The following GARIN2 variants were observed in gnomAD, a reference collection of about 807,000 sequenced individuals.
The protein encoded by GARIN2 is golgi associated RAB2 interactor family member 2.
chr14:67,200,151 C>A, the GARIN2 span: 1 of 1,151,562 alleles, frequency 8.7e-7, no homozygotes, highest in Non-Finnish European at 1.2e-6. Context: ...CCATGGGTCA[C>A]CCAGGTCCTA....
the GARIN2 span, chr14:67,223,784 T>C: frequency 3.0e-6 from 3 of 985,472 alleles, no homozygotes; most frequent in African/African-American, 5.2e-5. Context: ...TTCCCCTGAT[T>C]AGCATTTCTT....
At chr14:67,195,395 T>C in the GARIN2 span, among the ~76,000 whole-genome samples, 1 of 152,284 alleles carries the variant, frequency 6.6e-6, no homozygotes, top group East Asian at 1.9e-4. Flanking sequence ...AGGAGAATTC[T>C]CAGATGCAAG....
At chr14:67,221,898 A>G in the GARIN2 span, 1 of 1,506,690 alleles carries the variant, frequency 6.6e-7, no homozygotes, top group East Asian at 2.3e-5. Flanking sequence ...GGCTAAGAGC[A>G]AAGGAATTCA....
chr14:67,208,180 C>A, the GARIN2 span: 2 of 1,612,054 alleles, frequency 1.2e-6, no homozygotes. Flanking sequence ...ACCTGATTTG[C>A]TGCTGCTTTT....
the GARIN2 span, chr14:67,225,256 C>T: frequency 6.6e-7 from 1 of 1,509,912 alleles, no homozygotes; most frequent in Non-Finnish European, 8.8e-7. Context: ...ACATGTAAGA[C>T]AAACTAAAGG....
chr14:67,224,218 T>C, the GARIN2 span, among the ~76,000 whole-genome samples: 70 of 152,086 alleles, frequency 4.6e-4, 1 homozygote, highest in South Asian at 0.014. Context: ...AGGGTCCAGG[T>C]TAAATTTGTC....
At chr14:67,209,297 G>T in the GARIN2 span, among the ~76,000 whole-genome samples, 1 of 152,064 alleles carries the variant, frequency 6.6e-6, no homozygotes, top group Non-Finnish European at 1.5e-5. Context: ...GTGCTGTGAT[G>T]AAAATAAAAA....
At chr14:67,210,869 T>C in the GARIN2 span, among the ~76,000 whole-genome samples, 2 of 152,008 alleles carry the variant, frequency 1.3e-5, no homozygotes, top group African/African-American at 4.8e-5. Context: ...TTAGATGTGG[T>C]AGCATGTGTC....
chr14:67,211,047 G>T, the GARIN2 span, among the ~76,000 whole-genome samples: 1 of 152,068 alleles, frequency 6.6e-6, no homozygotes. Flanking sequence ...AGATCTCTGG[G>T]TTCAAATCCT....
At chr14:67,215,734 C>A in the GARIN2 span, among the ~76,000 whole-genome samples, 1 of 152,056 alleles carries the variant, frequency 6.6e-6, no homozygotes, top group South Asian at 2.1e-4. Context: ...TGAATCCATC[C>A]AACTTAGCAA....
chr14:67,207,712 T>C, the GARIN2 span, among the ~76,000 whole-genome samples: 2 of 151,988 alleles, frequency 1.3e-5, no homozygotes, highest in Admixed American at 1.3e-4. Flanking sequence ...TTAACAGAAA[T>C]TGGGAAATTA....
At chr14:67,211,625 A>G in the GARIN2 span, among the ~76,000 whole-genome samples, 1 of 152,312 alleles carries the variant, frequency 6.6e-6, no homozygotes, top group East Asian at 1.9e-4. Flanking sequence ...TAGGTAATAT[A>G]GCAATCAATT....
chr14:67,223,737 C>T, the GARIN2 span: 1 of 984,130 alleles, frequency 1.0e-6, no homozygotes, highest in Non-Finnish European at 1.2e-6. Flanking sequence ...TGTTTTCCCA[C>T]TTTTTTCTTA....
the GARIN2 span, among the ~76,000 whole-genome samples, chr14:67,197,702 G>A: frequency 6.6e-6 from 1 of 152,122 alleles, no homozygotes; most frequent in South Asian, 2.1e-4. Flanking sequence ...TACAAAAAGG[G>A]ATTGGAGAAT....
the GARIN2 span, among the ~76,000 whole-genome samples, chr14:67,225,956 T>TGCGC: frequency 1.5e-4 from 20 of 136,294 alleles, no homozygotes; most frequent in African/African-American, 4.5e-4. Context: ...TGTGTGTGTG[T>TGCGC]GTGTGTGCGC....
the GARIN2 span, among the ~76,000 whole-genome samples, chr14:67,192,958 C>A: frequency 7.0e-6 from 1 of 143,760 alleles, no homozygotes; most frequent in East Asian, 2.0e-4. Flanking sequence ...CTCTATATAT[C>A]TATATATCGA....
At chr14:67,207,990 C>T in the GARIN2 span, among the ~76,000 whole-genome samples, 7 of 152,142 alleles carry the variant, frequency 4.6e-5, no homozygotes, top group South Asian at 2.1e-4. Context: ...GCTGCAGTGG[C>T]GCAGTCCCTG....
the GARIN2 span, chr14:67,228,367 T>G: frequency 1.9e-6 from 1 of 515,398 alleles, no homozygotes; most frequent in South Asian, 8.7e-5. Flanking sequence ...GTAATAACAC[T>G]AAAAATATTC....
At chr14:67,199,321 C>T in the GARIN2 span, 4 of 1,612,230 alleles carry the variant, frequency 2.5e-6, no homozygotes, top group Non-Finnish European at 3.4e-6. Flanking sequence ...TACGGGTGAA[C>T]AAGGCATCAG....
Sources: gnomAD v4.1 joint callset for allele counts (sites outside exome capture counted in the v4.1 genomes callset) on GRCh38, gnomAD v4.1.1 for gene constraint, MANE v1.5 for transcripts, NCBI Gene and HGNC (gene_info 2026-07-23, HGNC 2026-07-21) for gene names.